Variants in ANGPT4 observed in about 807,000 individuals in gnomAD.
ANGPT4 encodes the protein angiopoietin-4.
In ANGPT4, 50 loss-of-function variants were observed where a neutral mutation model predicts 53.0. The observed-to-expected ratio is 0.94, with a 90% CI of 0.75 to 1.20. The LOEUF (loss-of-function observed/expected upper bound fraction) is 1.20, where lower values mean the gene tolerates loss of function less well. Ranked by LOEUF, ANGPT4 falls within the 50% of genes most tolerant of loss-of-function variation. ANGPT4 has a pLI of 0.00. For synonymous variants in ANGPT4, 251 were observed against 259.7 expected, an observed-to-expected ratio of 0.97 and a Z score of 0.32; for missense variants, 648 against 637.1, an observed-to-expected ratio of 1.02 and a Z score of -0.18.
At chr20:885,673 T>C (rs1981591879) in intron 3 of ANGPT4, among the ~76,000 whole-genome samples, 1 of 152,080 alleles carries the variant, frequency 6.6e-6, no homozygotes, top group South Asian at 2.1e-4. Flanking sequence ...GACTTGCTTG[T>C]AATAGAAAAA....
chr20:906,275 G>A (rs1982476953), intron 1 of ANGPT4, among the ~76,000 whole-genome samples: 1 of 152,140 alleles, frequency 6.6e-6, no homozygotes, highest in Admixed American at 6.5e-5. Context: ...GAAGCCATCT[G>A]GAGGGGAACT....
At chr20:912,178 C>A (rs540031131) in intron 1 of ANGPT4, among the ~76,000 whole-genome samples, 2 of 152,188 alleles carry the variant, frequency 1.3e-5, no homozygotes, top group Non-Finnish European at 2.9e-5. Context: ...GAGTATGGCA[C>A]TTCTTGGATG....
chr20:883,880 G>A (rs937445364), intron 4 of ANGPT4, among the ~76,000 whole-genome samples: 4 of 152,146 alleles, frequency 2.6e-5, no homozygotes, highest in African/African-American at 4.8e-5. Context: ...TCCACATGTC[G>A]CGATTTGGAA....
chr20:875,141 G>A (rs531411360), intron 7 of ANGPT4, among the ~76,000 whole-genome samples: 16 of 151,910 alleles, frequency 1.1e-4, no homozygotes, highest in East Asian at 9.7e-4. Context: ...TTACACATGC[G>A]AAAACAGAAA....
At chr20:878,464 T>C (rs1164509389) in intron 6 of ANGPT4, 137 bp from the exon 7 acceptor site, 5 of 806,130 alleles carry the variant, frequency 6.2e-6, no homozygotes, top group Non-Finnish European at 9.2e-6. Context: ...ATAAGTACAG[T>C]GTAGGCAGGA....
At chr20:905,264 C>T (rs544684564) in intron 1 of ANGPT4, among the ~76,000 whole-genome samples, 23 of 152,328 alleles carry the variant, frequency 1.5e-4, no homozygotes, top group Admixed American at 1.2e-3. Context: ...AATTCCCCCA[C>T]GAGAAGAGCC....
intron 7 of ANGPT4, among the ~76,000 whole-genome samples, chr20:875,015 C>T (rs140736054): frequency 6.6e-4 from 99 of 150,712 alleles, no homozygotes; most frequent in African/African-American, 2.2e-3. Context: ...CCACCGTGCC[C>T]GGCAACGTTT....
chr20:874,781 C>T (rs1316901545), intron 7 of ANGPT4, among the ~76,000 whole-genome samples: 1 of 152,192 alleles, frequency 6.6e-6, no homozygotes, highest in Non-Finnish European at 1.5e-5. Context: ...GGCACAATCA[C>T]GGCTCATTAC....
intron 1 of ANGPT4, among the ~76,000 whole-genome samples, chr20:895,587 C>T (rs140885590): frequency 0.012 from 1,848 of 152,206 alleles, 19 homozygotes; most frequent in Non-Finnish European, 0.019. Flanking sequence ...AGACAAATAA[C>T]AGGTGCAGAT....
At chr20:897,541 T>G (rs558320060) in intron 1 of ANGPT4, among the ~76,000 whole-genome samples, 1 of 152,328 alleles carries the variant, frequency 6.6e-6, no homozygotes, top group South Asian at 2.1e-4. Context: ...AGTCTTCCCT[T>G]GGTGTTTAAT....
rs75350711 is a variant in ANGPT4, at chr20:903,355, C to T, written c.309+12551G>A. Among the ~76,000 whole-genome samples, 78 of 152,304 alleles carry T rather than the reference C, an allele frequency of 5.1e-4. 2 individuals are homozygous for T. In the East Asian group the frequency reaches 0.015, roughly 29 times the overall value. On this transcript the variant is annotated intron_variant, in intron 1 of 8. Coordinates refer to ENST00000381922, the MANE Select transcript of ANGPT4 (RefSeq NM_015985.4). ...TCCTGCATCCAATCTGTTGTCTCTACCCTCGGGCGCATGCAGAATCTGACC... is the reference window on the plus strand; with the variant it reads ...TCCTGCATCCAATCTGTTGTCTCTATCCTCGGGCGCATGCAGAATCTGACC...
At chr20:909,694 C>CAGAGTGGA (rs2122132908) in intron 1 of ANGPT4, among the ~76,000 whole-genome samples, 1 of 152,324 alleles carries the variant, frequency 6.6e-6, no homozygotes, top group African/African-American at 2.4e-5. Flanking sequence ...AACCGAGTCA[C>CAGAGTGGA]AGAGTGGAAA....
intron 1 of ANGPT4, among the ~76,000 whole-genome samples, chr20:909,950 G>A (rs1982634634): frequency 6.6e-6 from 1 of 152,156 alleles, no homozygotes; most frequent in Non-Finnish European, 1.5e-5. Flanking sequence ...GGGAGCCTTG[G>A]GCCAAGGGTT....
chr20:901,648 C>T (rs780969482), intron 1 of ANGPT4, among the ~76,000 whole-genome samples: 11 of 152,214 alleles, frequency 7.2e-5, no homozygotes, highest in Non-Finnish European at 1.3e-4. Flanking sequence ...CATGGTGGCT[C>T]ACACCTGTAA....
intron 1 of ANGPT4, among the ~76,000 whole-genome samples, chr20:910,599 G>A (rs966279837): frequency 3.9e-5 from 6 of 152,260 alleles, no homozygotes; most frequent in South Asian, 2.1e-4. Context: ...GCAGGCTTAG[G>A]GGGCAGACCT....
At position 911,218 on chromosome 20, in the gene ANGPT4, G is replaced by A. The variant is rs1009815347; in HGVS notation, c.309+4688C>T. On this transcript the variant is annotated intron_variant, in intron 1 of 8. Transcript: ENST00000381922. This position sits in a 1 kb window ranked among gnomAD's most constrained non-coding sequence, Gnocchi z 4.9. ...TCTTGACCCACACCCAGTTAGGCAG[G>A]GCCTCACAACTGCCAGGCCGAGGGG... Among the ~76,000 whole-genome samples, 7 of 151,720 alleles carry A rather than the reference G, an allele frequency of 4.6e-5. No homozygotes were observed. Among genetic ancestry groups the A allele is most frequent in the African/African-American group, 1.7e-4 (7 of 41,308 alleles).
intron 4 of ANGPT4, 87 bp from the exon 5 acceptor site, chr20:881,373 AGGTT>A: frequency 4.8e-6 from 6 of 1,247,512 alleles, no homozygotes; most frequent in Non-Finnish European, 7.0e-6. Flanking sequence ...GCTTTGTGCC[AGGTT>A]CTGGGTTGGG....
chr20:904,163 G>GAAA (rs1243953576), intron 1 of ANGPT4, among the ~76,000 whole-genome samples: 1 of 152,194 alleles, frequency 6.6e-6, no homozygotes, highest in Non-Finnish European at 1.5e-5. Context: ...GGAGTGAAGT[G>GAAA]AAAAACAAAT....
chr20:899,154 G>A (rs869120245), intron 1 of ANGPT4, among the ~76,000 whole-genome samples: 1 of 152,134 alleles, frequency 6.6e-6, no homozygotes. Context: ...TACTTTTCAA[G>A]GGCCTGTTTC....
Sources: allele counts gnomAD v4.1 joint callset (sites outside exome capture counted in the v4.1 genomes callset), GRCh38; gene constraint gnomAD v4.1.1; non-coding constraint Gnocchi (gnomAD v3.1); transcripts MANE v1.5; gene names NCBI Gene and HGNC (gene_info 2026-07-23, HGNC 2026-07-21).